Variants in WWP1 observed in about 807,000 individuals in gnomAD.
The protein encoded by WWP1 is WW domain containing E3 ubiquitin protein ligase 1, also known as NEDD4-like E3 ubiquitin-protein ligase WWP1.
WWP1 carries 49 observed loss-of-function variants against 130.6 expected under a neutral mutation model. The observed-to-expected ratio is 0.38, with a 90% confidence interval of 0.30 to 0.48. The LOEUF is 0.48. Ranked by LOEUF, WWP1 falls within the 20% of genes least tolerant of loss-of-function variation. The pLI is 0.99. For missense variants in WWP1, 809 were observed against 1,100.6 expected, an observed-to-expected ratio of 0.74 and a Z score of 3.75; for synonymous variants, 332 against 367.8, an observed-to-expected ratio of 0.90 and a Z score of 1.11.
chr8:86,389,834 T>TCC (rs1825528468), intron 5 of WWP1, among the ~76,000 whole-genome samples: 1 of 146,424 alleles, frequency 6.8e-6, no homozygotes, highest in Non-Finnish European at 1.5e-5. Flanking sequence ...GGGTGGGGGC[T>TCC]GCCCCCCACC....
intron 8 of WWP1, among the ~76,000 whole-genome samples, chr8:86,410,885 T>A (rs1808544581): frequency 6.6e-6 from 1 of 152,160 alleles, no homozygotes; most frequent in African/African-American, 2.4e-5. Context: ...ATTAGAACTT[T>A]GATATATGGT....
At chr8:86,453,146 A>G (rs1020631098) in intron 21 of WWP1, among the ~76,000 whole-genome samples, 1 of 152,158 alleles carries the variant, frequency 6.6e-6, no homozygotes, top group Non-Finnish European at 1.5e-5. Context: ...TCCAATCTCC[A>G]GAAATTTTTC....
intron 5 of WWP1, among the ~76,000 whole-genome samples, chr8:86,393,023 T>C (rs1233446507): frequency 6.6e-6 from 1 of 152,198 alleles, no homozygotes; most frequent in Non-Finnish European, 1.5e-5. Flanking sequence ...AGTTTTATTA[T>C]CAAAGCATTT....
rs147615845 is a variant in WWP1, at chr8:86,391,893, G to A, written c.335-6449G>A. 4.3e-3 allele frequency among the ~76,000 whole-genome samples: 649 copies of A among 152,226 alleles called. 7 individuals are homozygous for A. Among genetic ancestry groups the A allele is most frequent in the African/African-American group, 0.015 (614 of 41,530 alleles). On this transcript the variant is annotated intron_variant, in intron 5 of 24. Coordinates refer to ENST00000517970, the MANE Select transcript of WWP1 (RefSeq NM_007013.4). ...TTAAAGGAATGTCTTTCAGGCCCTT[G>A]AGAAAGACACTCACATGTTATAGGA... is the stretch of plus-strand genomic sequence containing the variant.
intron 18 of WWP1, among the ~76,000 whole-genome samples, chr8:86,446,169 A>G (rs1009707653): frequency 6.8e-6 from 1 of 147,994 alleles, no homozygotes; most frequent in Non-Finnish European, 1.5e-5. Context: ...TTTAATAGAG[A>G]TGGGGTTTCA....
intron 1 of WWP1, among the ~76,000 whole-genome samples, chr8:86,355,904 C>A (rs1239485771): frequency 1.3e-5 from 2 of 152,120 alleles, no homozygotes; most frequent in Non-Finnish European, 2.9e-5. Context: ...TTCTGCAGTG[C>A]GTATGTAGTG....
intron 11 of WWP1, 62 bp downstream of exon 11, chr8:86,427,879 T>C (rs1167093775): frequency 1.3e-6 from 2 of 1,518,044 alleles, no homozygotes; most frequent in South Asian, 1.3e-5. Context: ...TTTCTTTTTT[T>C]TTTTTGCTAT....
intron 7 of WWP1, among the ~76,000 whole-genome samples, chr8:86,401,597 T>C (rs1027744194): frequency 1.3e-5 from 2 of 152,120 alleles, no homozygotes; most frequent in Non-Finnish European, 2.9e-5. Flanking sequence ...ATTTTTATTT[T>C]TATGATTCAT....
At chr8:86,372,952 C>A (rs1824413424) in intron 2 of WWP1, among the ~76,000 whole-genome samples, 2 of 152,216 alleles carry the variant, frequency 1.3e-5, no homozygotes, top group South Asian at 4.1e-4. Context: ...GACCTACTAA[C>A]ACATCAGTTT....
Position 86,458,014 on chromosome 8 carries a change from T to G in WWP1, c.2488T>G (p.Trp830Gly). ...HYTRNSKQII[W>G]FWQFVKETDN... Reference sequence around the variant, plus strand: ...TACAAGAAACAGCAAGCAAATCATTTGGTTTTGGCAGGTATTTGCTTTTAT... The same window carrying G: ...TACAAGAAACAGCAAGCAAATCATTGGGTTTTGGCAGGTATTTGCTTTTAT... Residue 830 changes from tryptophan (W) to glycine (G), a missense_variant, in exon 22 of 25, where the codon TGG becomes GGG. Around this residue, in one of 3 missense-constraint regions of WWP1, gnomAD observed 450 missense variants for 674.2 expected, o/e 0.67. Transcript: ENST00000517970. 2 of 1,611,624 alleles carry G rather than the reference T, an allele frequency of 1.2e-6. No homozygotes were observed. The highest frequency in any genetic ancestry group is 1.7e-6 in the Non-Finnish European group (2 of 1,178,122).
At chr8:86,447,161 A>G (rs1214609267) in intron 18 of WWP1, among the ~76,000 whole-genome samples, 2 of 152,220 alleles carry the variant, frequency 1.3e-5, no homozygotes, top group African/African-American at 2.4e-5. Context: ...CATTTCTAGC[A>G]TGTTCCATTG....
At chr8:86,457,622 A>G (rs1036759436) in intron 21 of WWP1, among the ~76,000 whole-genome samples, 2 of 152,054 alleles carry the variant, frequency 1.3e-5, no homozygotes, top group African/African-American at 4.8e-5. Flanking sequence ...CACACACCAT[A>G]CCATATATAC....
chr8:86,460,768 C>T (rs1417690475), intron 22 of WWP1, among the ~76,000 whole-genome samples: 1 of 145,508 alleles, frequency 6.9e-6, no homozygotes, highest in Non-Finnish European at 1.5e-5. Flanking sequence ...ATGACAAACC[C>T]TACAACCTCT....
intron 1 of WWP1, among the ~76,000 whole-genome samples, chr8:86,350,625 C>T (rs1822864735): frequency 6.6e-6 from 1 of 152,180 alleles, no homozygotes. Context: ...CATGAAGGTG[C>T]TTCTTGATGG....
chr8:86,444,809 C>A (rs951583819), intron 18 of WWP1, among the ~76,000 whole-genome samples: 4 of 152,118 alleles, frequency 2.6e-5, no homozygotes, highest in Admixed American at 2.6e-4. Flanking sequence ...TGGTCACTAA[C>A]TGGAAATGCT....
At chr8:86,462,732 C>T (rs1462007942) in intron 24 of WWP1, among the ~76,000 whole-genome samples, 3 of 152,066 alleles carry the variant, frequency 2.0e-5, no homozygotes, top group African/African-American at 7.2e-5. Flanking sequence ...TCATACTAAG[C>T]CATTATTTGC....
chr8:86,401,219 A>C (rs930177443), intron 7 of WWP1, among the ~76,000 whole-genome samples: 1 of 151,996 alleles, frequency 6.6e-6, no homozygotes, highest in African/African-American at 2.4e-5. Context: ...ATTTGTAACT[A>C]ATATTTGAAG....
Position 86,346,815 on chromosome 8 carries a change from A to G in WWP1, c.-115+3885A>G, listed in dbSNP as rs575730636. 3.9e-5 allele frequency among the ~76,000 whole-genome samples: 6 copies of G among 152,324 alleles called. No individual in the cohort carries two copies. In the East Asian group the frequency reaches 1.2e-3, roughly 29 times the overall value. ...CCAAGGAACTAGTTACTAATACTTA[A>G]TGGAGGAAAAATGATAAAAACATAC... On this transcript the variant is annotated intron_variant, in intron 1 of 24. Transcript: ENST00000517970.
At chr8:86,453,032 G>A (rs891590071) in intron 21 of WWP1, among the ~76,000 whole-genome samples, 3 of 152,070 alleles carry the variant, frequency 2.0e-5, no homozygotes, top group African/African-American at 7.2e-5. Context: ...ACTGTATTTA[G>A]ACTTGTTAGA....
Sources: gnomAD v4.1 joint callset for allele counts (sites outside exome capture counted in the v4.1 genomes callset) on GRCh38, gnomAD v4.1.1 for gene constraint, gnomAD v4.1.1 regional missense constraint, MANE v1.5 for transcripts, NCBI Gene and HGNC (gene_info 2026-07-23, HGNC 2026-07-21) for gene names.